The following FANCB variants were observed in gnomAD, a reference collection of about 807,000 sequenced individuals.
FANCB encodes the protein Fanconi anemia group B protein.
In FANCB, 5 loss-of-function variants were observed where a neutral mutation model predicts 38.9. The observed-to-expected ratio is 0.13, with a 90% CI of 0.07 to 0.27. The LOEUF (loss-of-function observed/expected upper bound fraction) is 0.27. FANCB is among the 10% of genes least tolerant of loss of function. FANCB has a pLI of 1.00. For synonymous variants in FANCB, 236 were observed against 215.4 expected (o/e 1.10, Z -0.84); for missense variants, 573 against 602.7 (o/e 0.95, Z 0.52).
the FANCB span, among the ~76,000 whole-genome samples, chrX:14,817,729 C>G: frequency 9.0e-6 from 1 of 111,278 alleles, no homozygotes; most frequent in Admixed American, 9.5e-5. Flanking sequence ...AAAAAAAATT[C>G]AGGGTAGTGT....
At chrX:14,853,208 T>A (rs748414147) in intron 5 of FANCB, 41 bp from the exon 6 acceptor site, 1 of 1,151,239 alleles carries the variant, frequency 8.7e-7, no homozygotes, top group South Asian at 1.8e-5. Context: ...AAACATGATT[T>A]CAAATGAAAC....
chrX:14,810,413 T>C, the FANCB span, among the ~76,000 whole-genome samples: 1 of 111,460 alleles, frequency 9.0e-6, no homozygotes, highest in African/African-American at 3.3e-5. Context: ...AGTTAAAAAC[T>C]TTGAAAAAAA....
chrX:14,768,995 C>T, the FANCB span, among the ~76,000 whole-genome samples: 1 of 111,574 alleles, frequency 9.0e-6, no homozygotes, highest in East Asian at 2.8e-4. Context: ...AACATTGCAT[C>T]CCAGGGATGA....
chrX:14,861,613 CA>C (rs2092447119), intron 3 of FANCB, among the ~76,000 whole-genome samples: 1 of 111,267 alleles, frequency 9.0e-6, no homozygotes, highest in Non-Finnish European at 1.9e-5. Context: ...AAACCTTTTA[CA>C]AAATACCACA....
the FANCB span, among the ~76,000 whole-genome samples, chrX:14,816,332 A>G: frequency 1.8e-5 from 2 of 112,523 alleles, no homozygotes; most frequent in Non-Finnish European, 3.8e-5. Flanking sequence ...ATAAATTGTT[A>G]TATAGTAAAA....
At chrX:14,690,404 T>A in the FANCB span, among the ~76,000 whole-genome samples, 1 of 111,994 alleles carries the variant, frequency 8.9e-6, no homozygotes, top group African/African-American at 3.2e-5. Flanking sequence ...ATTTCACATA[T>A]TTATTTGTAG....
the FANCB span, among the ~76,000 whole-genome samples, chrX:14,785,663 A>G: frequency 6.4e-4 from 72 of 112,113 alleles, no homozygotes; most frequent in Admixed American, 1.6e-3. Context: ...TGTTGACCAG[A>G]TCTGGCAGCA....
the FANCB span, among the ~76,000 whole-genome samples, chrX:14,781,282 T>G: frequency 6.8e-5 from 7 of 103,668 alleles, no homozygotes; most frequent in South Asian, 2.9e-3. Context: ...ATACAAAAAT[T>G]AGCCAAGTGT....
At chrX:14,869,103 T>C (rs778600834) in intron 1 of FANCB, 60 bp from the exon 2 acceptor site, 1 of 111,708 alleles carries the variant, frequency 9.0e-6, no homozygotes, top group East Asian at 2.8e-4. Context: ...TGAATAATAA[T>C]GTATTTACCA....
At chrX:14,820,774 T>C in the FANCB span, among the ~76,000 whole-genome samples, 1 of 111,601 alleles carries the variant, frequency 9.0e-6, no homozygotes, top group Non-Finnish European at 1.9e-5. Context: ...AAAAATTGTA[T>C]TTTTGTTATT....
the FANCB span, among the ~76,000 whole-genome samples, chrX:14,745,860 C>T: frequency 1.9e-5 from 2 of 107,660 alleles, no homozygotes; most frequent in African/African-American, 3.4e-5. Context: ...CCACCATGAC[C>T]GGCTAATTTT....
chrX:14,813,186 A>G, the FANCB span, among the ~76,000 whole-genome samples: 1 of 109,230 alleles, frequency 9.2e-6, no homozygotes, highest in African/African-American at 3.4e-5. Flanking sequence ...AGAGCTATCT[A>G]TGACAAACCA....
chrX:14,828,377 G>T, the FANCB span, among the ~76,000 whole-genome samples: 2 of 112,191 alleles, frequency 1.8e-5, no homozygotes, highest in Non-Finnish European at 3.8e-5. Context: ...TTCAAAATTG[G>T]AGTCAATCCT....
chrX:14,824,420 T>C, the FANCB span, among the ~76,000 whole-genome samples: 2 of 112,399 alleles, frequency 1.8e-5, no homozygotes, highest in Non-Finnish European at 3.8e-5. Context: ...TTGTTCTATT[T>C]CTAACTAGTA....
chrX:14,700,142 G>A, the FANCB span, among the ~76,000 whole-genome samples: 30 of 111,810 alleles, frequency 2.7e-4, no homozygotes, highest in African/African-American at 9.4e-4. Context: ...TGGAGGTAGC[G>A]ATGTCCATGA....
chrX:14,813,956 T>C, the FANCB span, among the ~76,000 whole-genome samples: 1 of 111,861 alleles, frequency 8.9e-6, no homozygotes, highest in East Asian at 2.8e-4. Context: ...CAAAACAGCA[T>C]GGTACTGGTA....
At chrX:14,802,866 G>A in the FANCB span, among the ~76,000 whole-genome samples, 1 of 111,668 alleles carries the variant, frequency 9.0e-6, no homozygotes, top group Non-Finnish European at 1.9e-5. Flanking sequence ...AGGATGTCCA[G>A]GTGAATTAGG....
chrX:14,717,802 C>T, the FANCB span, among the ~76,000 whole-genome samples: 4 of 107,854 alleles, frequency 3.7e-5, no homozygotes, highest in South Asian at 4.0e-4. Context: ...TTTTTGAGCA[C>T]GCATTAGATT....
chrX:14,750,308 G>C, the FANCB span, among the ~76,000 whole-genome samples: 1 of 111,682 alleles, frequency 9.0e-6, no homozygotes, highest in East Asian at 2.8e-4. Flanking sequence ...TAACACAATG[G>C]ACGTCTGTCA....
Sources: allele counts gnomAD v4.1 joint callset (sites outside exome capture counted in the v4.1 genomes callset), GRCh38; gene constraint gnomAD v4.1.1; transcripts MANE v1.5; gene names NCBI Gene and HGNC (gene_info 2026-07-23, HGNC 2026-07-21).